Variants in SEC61B observed in about 807,000 individuals in gnomAD.
SEC61B encodes SEC61 translocon subunit beta, also known as protein transport protein Sec61 subunit beta.
A neutral mutation model predicts 12.6 loss-of-function variants in SEC61B; 7 were observed. The ratio of observed to expected loss-of-function variants is 0.55; its 90% CI spans 0.32 to 1.04. SEC61B has a LOEUF of 1.04. Ranked by LOEUF, SEC61B falls within the 50% of genes least tolerant of loss-of-function variation. The pLI, the probability that SEC61B is intolerant of heterozygous loss-of-function variation, is 0.05. For synonymous variants in SEC61B, 54 were observed against 50.1 expected, an observed-to-expected ratio of 1.08 and a Z score of -0.33; for missense variants, 107 against 130.1, an observed-to-expected ratio of 0.82 and a Z score of 0.86.
At chr9:99,227,613 GTCTTAGATA>G (rs1254121859) in intron 2 of SEC61B, among the ~76,000 whole-genome samples, 1 of 152,144 alleles carries the variant, frequency 6.6e-6, no homozygotes, top group Non-Finnish European at 1.5e-5. Flanking sequence ...TGGCTGCAGG[GTCTTAGATA>G]TTTTGCTTAA....
Position 99,222,646 on chromosome 9 carries a change from A to G in SEC61B, c.101+3A>G, listed in dbSNP as rs1461865680. The G allele has an allele frequency of 1.3e-5, 20 of 1,534,070 alleles. No homozygotes were observed. Among genetic ancestry groups the G allele is most frequent in the Non-Finnish European group, 1.6e-5 (18 of 1,138,838 alleles). ...GCGGGATCCACTGTCCGGCAGAGGT[A>G]AGGAACCCTGCAGTTCGTTCGCTTC... On this transcript the variant is annotated splice_donor_region_variant and intron_variant, in intron 2 of 3. Transcript: ENST00000223641.
intron 2 of SEC61B, among the ~76,000 whole-genome samples, chr9:99,223,449 A>T (rs1264128203): frequency 1.3e-5 from 2 of 150,106 alleles, no homozygotes. Context: ...GCTGGAGTGC[A>T]GTGGCACGAT....
In SEC61B at chr9:99,226,294, C is replaced by T. The variant is rs540786520; in HGVS notation, c.102-1605C>T. Among the ~76,000 whole-genome samples the T allele has an allele frequency of 5.9e-5, 9 of 152,312 alleles. No homozygotes were observed. The South Asian group carries it at 1.9e-3, about 32-fold the overall frequency. On this transcript the variant is annotated intron_variant, in intron 2 of 3. Coordinates refer to ENST00000223641, the MANE Select transcript of SEC61B (RefSeq NM_006808.3). ...CCACTCCGTCATGTAGCAGGGCAGG[C>T]TCCCCGTGCTGTAGACAGTGCTTCC...
intron 3 of SEC61B, among the ~76,000 whole-genome samples, chr9:99,228,894 T>C (rs1253964564): frequency 6.6e-6 from 1 of 152,168 alleles, no homozygotes; most frequent in Non-Finnish European, 1.5e-5. Flanking sequence ...TGGAACTGGA[T>C]ATTCTGATTA....
intron 2 of SEC61B, among the ~76,000 whole-genome samples, chr9:99,227,277 A>C (rs1016557716): frequency 7.9e-5 from 12 of 151,036 alleles, no homozygotes; most frequent in African/African-American, 2.9e-4. Context: ...AAAAAAAAAA[A>C]AAAAAAAAAA....
intron 2 of SEC61B, among the ~76,000 whole-genome samples, chr9:99,226,988 C>G (rs924353548): frequency 9.9e-5 from 15 of 152,110 alleles, no homozygotes; most frequent in Middle Eastern, 6.8e-3. Flanking sequence ...GAAAACACGG[C>G]CAGGTGCGGT....
chr9:99,228,688 G>A (rs896808732), intron 3 of SEC61B, among the ~76,000 whole-genome samples: 1 of 152,218 alleles, frequency 6.6e-6, no homozygotes, highest in African/African-American at 2.4e-5. Context: ...GACTAAACTC[G>A]GTGGATGAGG....
At position 99,222,359 on chromosome 9, in the gene SEC61B, C is replaced by T; in HGVS notation, c.-5C>T. On this transcript the variant is annotated 5_prime_UTR_variant, in exon 1 of 4. Coordinates refer to ENST00000223641, the MANE Select transcript of SEC61B (RefSeq NM_006808.3). ...CGTCAGCGCCTTGCCACCCTCATCT[C>T]CAATATGGTATGGCGGCCCTTCCAT... 1 of 1,614,204 alleles carries T rather than the reference C, an allele frequency of 6.2e-7. No individual in the cohort carries two copies. The highest frequency in any genetic ancestry group is 8.5e-7 in the Non-Finnish European group (1 of 1,180,024).
chr9:99,227,869 G>C (rs1828917244), intron 2 of SEC61B, 30 bp from the exon 3 acceptor site: 1 of 1,498,252 alleles, frequency 6.7e-7, no homozygotes, highest in Non-Finnish European at 9.3e-7. Context: ...TTCCAGAAAA[G>C]GCCATTTGTA....
chr9:99,226,007 G>A (rs1357538104), intron 2 of SEC61B, among the ~76,000 whole-genome samples: 2 of 152,220 alleles, frequency 1.3e-5, no homozygotes, highest in Non-Finnish European at 2.9e-5. Flanking sequence ...ACATATATCT[G>A]TGTGTGTGAA....
intron 3 of SEC61B, among the ~76,000 whole-genome samples, chr9:99,228,211 G>A (rs1295887784): frequency 6.6e-6 from 1 of 152,206 alleles, no homozygotes; most frequent in Non-Finnish European, 1.5e-5. Flanking sequence ...ATGGAGTGAG[G>A]GAAAGGAAAG....
chr9:99,223,774 T>G (rs1362848881), intron 2 of SEC61B, among the ~76,000 whole-genome samples: 1 of 152,228 alleles, frequency 6.6e-6, no homozygotes, highest in Non-Finnish European at 1.5e-5. Flanking sequence ...ACTTTCTCCC[T>G]CATCTCAAGG....
chr9:99,227,278 AAAAAAAAAAAAAAC>A (rs1189799931), intron 2 of SEC61B, among the ~76,000 whole-genome samples: 4 of 151,088 alleles, frequency 2.6e-5, no homozygotes, highest in African/African-American at 9.7e-5. Flanking sequence ...AAAAAAAAAA[AAAAAAAAAAAAAAC>A]AAACTAGTGA....
chr9:99,230,148 C>G (rs1828942567), intron 3 of SEC61B, among the ~76,000 whole-genome samples, 189 bp from the exon 4 acceptor site: 1 of 152,166 alleles, frequency 6.6e-6, no homozygotes, highest in Non-Finnish European at 1.5e-5. Flanking sequence ...GCAGTGCCAT[C>G]ATCACACCTT....
intron 2 of SEC61B, among the ~76,000 whole-genome samples, chr9:99,224,406 G>T (rs1407196879): frequency 6.6e-6 from 1 of 152,172 alleles, no homozygotes; most frequent in African/African-American, 2.4e-5. Context: ...AACATGTCCT[G>T]TGGGTGCGGT....
At chr9:99,228,059 G>A in intron 3 of SEC61B, 59 bp downstream of exon 3, 2 of 1,311,120 alleles carry the variant, frequency 1.5e-6, no homozygotes, top group South Asian at 1.2e-5. Flanking sequence ...AGCAGTGGCA[G>A]CACTCTGTCT....
chr9:99,227,680 A>G (rs1299505164), intron 2 of SEC61B, among the ~76,000 whole-genome samples: 1 of 152,192 alleles, frequency 6.6e-6, no homozygotes, highest in African/African-American at 2.4e-5. Flanking sequence ...AAAAATCGTG[A>G]CTGCTTTTCA....
At chr9:99,229,243 G>C (rs1828932386) in intron 3 of SEC61B, among the ~76,000 whole-genome samples, 1 of 152,068 alleles carries the variant, frequency 6.6e-6, no homozygotes. Flanking sequence ...TAATTCTTGG[G>C]GTTGGGGATA....
chr9:99,230,212 G>C (rs1205472539), intron 3 of SEC61B, 125 bp from the exon 4 acceptor site: 1 of 553,248 alleles, frequency 1.8e-6, no homozygotes, highest in South Asian at 2.8e-5. Flanking sequence ...TACAAATAAT[G>C]TTTCTGGATG....
Sources: gnomAD v4.1 joint callset for allele counts (sites outside exome capture counted in the v4.1 genomes callset) on GRCh38, gnomAD v4.1.1 for gene constraint, MANE v1.5 for transcripts, NCBI Gene and HGNC (gene_info 2026-07-23, HGNC 2026-07-21) for gene names.